HMCN1: variants seen among roughly 807,000 people sequenced by gnomAD.
The protein encoded by HMCN1 is hemicentin 1.
HMCN1 carries 321 observed loss-of-function variants against 625.9 expected under a neutral mutation model. The observed-to-expected ratio is 0.51, with a 90% CI of 0.47 to 0.56. HMCN1 has a LOEUF of 0.56. Ranked by LOEUF, HMCN1 falls within the 20% of genes least tolerant of loss-of-function variation. The pLI is 0.00. For synonymous variants in HMCN1, 2,425 were observed against 2,417.6 expected, an observed-to-expected ratio of 1.00 and a Z score of -0.09; for missense variants, 6,588 against 6,887.3, an observed-to-expected ratio of 0.96 and a Z score of 1.54.
At chr1:186,108,145 A>G (rs1660708791) in intron 70 of HMCN1, among the ~76,000 whole-genome samples, 2 of 151,740 alleles carry the variant, frequency 1.3e-5, no homozygotes, top group South Asian at 4.1e-4. Flanking sequence ...GAAAATTACT[A>G]CCAAGTGTAT....
intron 1 of HMCN1, among the ~76,000 whole-genome samples, chr1:185,771,208 T>C (rs1171060746): frequency 6.6e-6 from 1 of 152,238 alleles, no homozygotes; most frequent in Non-Finnish European, 1.5e-5. Flanking sequence ...TACTGTACTG[T>C]ATCCTTGCAT....
chr1:186,022,697 C>T (rs1654798258), intron 35 of HMCN1, among the ~76,000 whole-genome samples: 1 of 151,614 alleles, frequency 6.6e-6, no homozygotes, highest in African/African-American at 2.4e-5. Flanking sequence ...TAAATGTGGC[C>T]AGGTTTTTTT....
At chr1:186,111,927 C>T (rs1056859533) in intron 71 of HMCN1, among the ~76,000 whole-genome samples, 2 of 152,074 alleles carry the variant, frequency 1.3e-5, no homozygotes, top group East Asian at 3.9e-4. Flanking sequence ...CAAGCTCATA[C>T]GGTAGAGAAA....
intron 32 of HMCN1, 93 bp downstream of exon 32, chr1:186,016,332 A>G: frequency 1.6e-6 from 2 of 1,234,392 alleles, no homozygotes; most frequent in Non-Finnish European, 1.2e-6. Context: ...TAATAAAACA[A>G]TCTAAAAGAA....
chr1:185,872,719 G>C (rs367886925), intron 4 of HMCN1, among the ~76,000 whole-genome samples: 1 of 152,284 alleles, frequency 6.6e-6, no homozygotes, highest in East Asian at 1.9e-4. Context: ...CAAAATGAGA[G>C]TGCCTGTCTT....
rs1407394067 is a variant in HMCN1 at position 185,987,447 on chromosome 1, A to T, written c.2951A>T (p.Gln984Leu). 2 of 1,612,176 alleles carry T rather than the reference A, an allele frequency of 1.2e-6. No homozygotes were observed. Among genetic ancestry groups the T allele is most frequent in the Admixed American group, 3.3e-5 (2 of 60,034 alleles). ...ACCTTTTCAGTTCTGCCAACCATTC[A>T]GCATGGGCAGCAGATACTCAGTACA... Reference protein sequence around the residue: ...SVVVHVLPTIQHGQQILSTIE... With the variant: ...SVVVHVLPTILHGQQILSTIE... Residue 984 changes from glutamine to leucine, a missense_variant, in exon 20 of 107, where the codon CAG (glutamine) becomes CTG (leucine). Coordinates refer to ENST00000271588, the MANE Select transcript of HMCN1 (RefSeq NM_031935.3).
At chr1:185,846,533 C>G (rs992339159) in intron 2 of HMCN1, among the ~76,000 whole-genome samples, 1 of 152,186 alleles carries the variant, frequency 6.6e-6, no homozygotes, top group East Asian at 1.9e-4. Flanking sequence ...TTTGACTGTA[C>G]ATATAACTTG....
intron 71 of HMCN1, among the ~76,000 whole-genome samples, chr1:186,108,820 T>C (rs1328667266): frequency 1.3e-5 from 2 of 152,226 alleles, no homozygotes; most frequent in African/African-American, 2.4e-5. Flanking sequence ...AAGAAAGGTA[T>C]CTAGATTCAT....
At chr1:186,103,269 T>G (rs1361747049) in intron 68 of HMCN1, among the ~76,000 whole-genome samples, 1 of 152,160 alleles carries the variant, frequency 6.6e-6, no homozygotes, top group Non-Finnish European at 1.5e-5. Flanking sequence ...ATTTACTTCA[T>G]TATCTCTCAT....
chr1:186,150,729 C>T (rs1475144692), intron 93 of HMCN1, among the ~76,000 whole-genome samples: 10 of 152,086 alleles, frequency 6.6e-5, no homozygotes, highest in African/African-American at 2.4e-4. Flanking sequence ...TTCAGATCCT[C>T]ATTCCGCCAC....
intron 36 of HMCN1, among the ~76,000 whole-genome samples, chr1:186,030,495 T>C (rs1655354588): frequency 6.6e-6 from 1 of 152,072 alleles, no homozygotes; most frequent in Non-Finnish European, 1.5e-5. Context: ...GATGTTAGTA[T>C]AGCCCCTGCA....
chr1:185,984,317 A>G lies in HMCN1; in HGVS notation c.2935+4A>G. 6.2e-7 allele frequency: 1 copy of G among 1,612,984 alleles called. No homozygotes were observed. Among genetic ancestry groups the G allele is most frequent in the Non-Finnish European group, 8.5e-7 (1 of 1,179,734 alleles). On this transcript the variant is annotated splice_donor_region_variant and intron_variant, in intron 19 of 106. Transcript: ENST00000271588. Reference sequence around the variant, plus strand: ...ACTACCTCTGTGGTTGTGCATGGTAAGAGACACACCCAATGTTATTGTTTC... The same window carrying G: ...ACTACCTCTGTGGTTGTGCATGGTAGGAGACACACCCAATGTTATTGTTTC...
chr1:185,784,074 C>T (rs1004639179), intron 1 of HMCN1, among the ~76,000 whole-genome samples: 8 of 152,332 alleles, frequency 5.3e-5, no homozygotes, highest in East Asian at 3.9e-4. Context: ...CCCCCCGCCT[C>T]GCTGCCACCT....
chr1:186,106,262 A>G (rs546764357), intron 69 of HMCN1, among the ~76,000 whole-genome samples: 29 of 152,322 alleles, frequency 1.9e-4, no homozygotes, highest in African/African-American at 7.0e-4. Flanking sequence ...ACAATCTCAA[A>G]CATATGAATG....
At position 186,087,965 on chromosome 1, in the gene HMCN1, A is replaced by G. The variant is rs79178888; in HGVS notation, c.9397A>G (p.Ile3133Val). The change falls in exon 61 of 107, where the codon ATA becomes GTA. Residue 3133 changes from isoleucine (I) to valine (V), a missense_variant. Physicochemically the swap from Ile to Val is conservative, Grantham distance 29. Transcript: ENST00000271588. Reference protein sequence around the residue: ...SDTGQYVCRAINVAGRDDKNF... With the variant: ...SDTGQYVCRAVNVAGRDDKNF... Reference sequence around the variant, plus strand: ...CACAGGCCAGTATGTATGTAGAGCTATAAATGTAGCAGGACGGGATGATAA... The same window carrying G: ...CACAGGCCAGTATGTATGTAGAGCTGTAAATGTAGCAGGACGGGATGATAA... 2,185 of 1,613,130 alleles carry G rather than the reference A, an allele frequency of 1.4e-3. 26 individuals carry two copies. In the African/African-American group the frequency reaches 0.027, roughly 20 times the overall value.
At chr1:186,044,795 A>G (rs1656453244) in intron 40 of HMCN1, among the ~76,000 whole-genome samples, 3 of 152,082 alleles carry the variant, frequency 2.0e-5, no homozygotes, top group Admixed American at 2.0e-4. Context: ...TTTCTGAATT[A>G]TTATACATAC....
chr1:185,949,929 G>A (rs548245590), intron 11 of HMCN1, among the ~76,000 whole-genome samples: 26 of 151,508 alleles, frequency 1.7e-4, no homozygotes, highest in Admixed American at 1.7e-3. Flanking sequence ...CTTGAGGATA[G>A]ATTTCCACGA....
chr1:186,139,397 T>C (rs1649812466), intron 89 of HMCN1, among the ~76,000 whole-genome samples: 1 of 152,202 alleles, frequency 6.6e-6, no homozygotes, highest in Admixed American at 6.6e-5. Flanking sequence ...AACATTATGT[T>C]CTAAATTTAA....
chr1:186,163,387 C>T (rs1030879647), intron 97 of HMCN1, among the ~76,000 whole-genome samples: 6 of 152,168 alleles, frequency 3.9e-5, no homozygotes, highest in Admixed American at 2.0e-4. Flanking sequence ...CACCCTGCTT[C>T]GGCTCACGCA....
Sources: allele counts gnomAD v4.1 joint callset (sites outside exome capture counted in the v4.1 genomes callset), GRCh38; gene constraint gnomAD v4.1.1; transcripts MANE v1.5; gene names NCBI Gene and HGNC (gene_info 2026-07-23, HGNC 2026-07-21).